The following MTUS2 variants were observed in gnomAD, a reference collection of about 807,000 sequenced individuals.
MTUS2 encodes microtubule associated scaffold protein 2.
Under a neutral mutation model 114.1 loss-of-function variants are expected in MTUS2, and 40 were observed. The observed-to-expected ratio is 0.35, with a 90% CI of 0.27 to 0.46. The LOEUF (loss-of-function observed/expected upper bound fraction) is 0.46, where lower values mean the gene tolerates loss of function less well. MTUS2 is among the 20% of genes least tolerant of loss of function. The pLI is 1.00. For synonymous variants in MTUS2, 688 were observed against 672.0 expected (o/e 1.02, Z -0.37); for missense variants, 1,679 against 1,705.4 (o/e 0.98, Z 0.27).
chr13:28,832,748 A>G (rs1874785182), intron 1 of MTUS2, among the ~76,000 whole-genome samples: 1 of 134,228 alleles, frequency 7.5e-6, no homozygotes, highest in Admixed American at 8.2e-5. Flanking sequence ...GAACAGAAGT[A>G]AATGAAATAG....
At chr13:29,269,797 G>C (rs1423694215) in intron 5 of MTUS2, among the ~76,000 whole-genome samples, 1 of 152,178 alleles carries the variant, frequency 6.6e-6, no homozygotes, top group African/African-American at 2.4e-5. Context: ...TAGTCACGAT[G>C]TGGAAACGAA....
chr13:29,428,911 C>G (rs139687884), intron 8 of MTUS2: 1 of 1,612,306 alleles, frequency 6.2e-7, no homozygotes, highest in African/African-American at 1.3e-5. Flanking sequence ...TTTGCCTTCC[C>G]TCTCTCTTCT....
intron 2 of MTUS2, among the ~76,000 whole-genome samples, chr13:28,922,518 T>G (rs1190500381): frequency 6.6e-6 from 1 of 152,190 alleles, no homozygotes; most frequent in African/African-American, 2.4e-5. Context: ...GGATGGCTGA[T>G]TCCCATCTGG....
chr13:29,505,391 C>T lies in MTUS2; in HGVS notation c.*2185C>T, dbSNP rs1883167626. On this transcript the variant is annotated 3_prime_UTR_variant, in exon 16 of 16. Coordinates refer to ENST00000612955, the MANE Select transcript of MTUS2 (RefSeq NM_001033602.4). ...CTCATTAGGTGGACTTCGGTGAGAGCTTTGCCCTAACCTGCCCTGACCTTG... is the reference window on the plus strand; with the variant it reads ...CTCATTAGGTGGACTTCGGTGAGAGTTTTGCCCTAACCTGCCCTGACCTTG... The T allele has an allele frequency of 4.3e-6, 1 of 231,572 alleles. No homozygotes were observed. The highest frequency in any genetic ancestry group is 6.1e-5 in the East Asian group (1 of 16,394). The allele number at this position is 231,572 out of a possible 1,614,324, so 14.3% of individuals were successfully genotyped here. A position where few individuals can be genotyped will look rare whatever the true frequency, so the allele number is the denominator to read the frequency against.
chr13:29,383,934 A>AT (rs56308615), intron 8 of MTUS2, among the ~76,000 whole-genome samples: 91,789 of 151,922 alleles, frequency 0.6, 29,130 homozygotes, highest in East Asian at 0.73. Flanking sequence ...AAACTTACTC[A>AT]GCAAAACATA....
intron 2 of MTUS2, among the ~76,000 whole-genome samples, chr13:28,941,447 T>C (rs528358339): frequency 6.6e-6 from 1 of 152,260 alleles, no homozygotes; most frequent in South Asian, 2.1e-4. Context: ...CTTATGTTAA[T>C]TTCTATTTTA....
intron 4 of MTUS2, among the ~76,000 whole-genome samples, chr13:29,085,969 A>G (rs1889674922): frequency 6.6e-6 from 1 of 152,074 alleles, no homozygotes. Context: ...TTTAAAAAAG[A>G]GCCATTCTGA....
chr13:29,278,740 A>T (rs1456685050), intron 5 of MTUS2, among the ~76,000 whole-genome samples: 1 of 152,176 alleles, frequency 6.6e-6, no homozygotes. Flanking sequence ...GGAATTGATG[A>T]TGTTTCATAC....
chr13:29,468,147 TA>T (rs769080164), intron 9 of MTUS2, among the ~76,000 whole-genome samples: 8 of 151,562 alleles, frequency 5.3e-5, no homozygotes, highest in Non-Finnish European at 1.0e-4. Flanking sequence ...CCCAAAAGAG[TA>T]CATAAAATGG....
chr13:29,010,210 CA>C (rs71658973), intron 2 of MTUS2, among the ~76,000 whole-genome samples: 211 of 116,392 alleles, frequency 1.8e-3, no homozygotes, highest in African/African-American at 2.5e-3. Context: ...GACTCCGTCT[CA>C]AAAAAAAAAA....
intron 5 of MTUS2, among the ~76,000 whole-genome samples, chr13:29,160,145 A>G (rs1714573007): frequency 6.6e-6 from 1 of 152,186 alleles, no homozygotes; most frequent in Non-Finnish European, 1.5e-5. Flanking sequence ...CATCCACACC[A>G]CAGACTGCTA....
chr13:29,221,453 C>T (rs939076249), intron 5 of MTUS2, among the ~76,000 whole-genome samples: 1 of 151,834 alleles, frequency 6.6e-6, no homozygotes, highest in African/African-American at 2.4e-5. Context: ...TTTTAATTTT[C>T]AGTTTCTGAT....
intron 4 of MTUS2, among the ~76,000 whole-genome samples, chr13:29,039,382 A>G (rs908652886): frequency 2.6e-5 from 4 of 152,204 alleles, no homozygotes. Context: ...AAACTGTGCA[A>G]AGCATCGCGC....
intron 7 of MTUS2, 50 bp from the exon 8 acceptor site, chr13:29,359,212 T>C: frequency 6.6e-7 from 1 of 1,507,528 alleles, no homozygotes; most frequent in East Asian, 2.4e-5. Context: ...GTCACATGTG[T>C]ACTGAGTGTT....
intron 5 of MTUS2, among the ~76,000 whole-genome samples, chr13:29,110,003 A>T (rs769653899): frequency 2.0e-5 from 3 of 152,236 alleles, no homozygotes; most frequent in South Asian, 2.1e-4. Flanking sequence ...TTTCATGGCA[A>T]TCTCTTTCTT....
intron 6 of MTUS2, among the ~76,000 whole-genome samples, chr13:29,306,443 C>T (rs768422133): frequency 2.0e-5 from 3 of 152,084 alleles, no homozygotes; most frequent in Admixed American, 1.3e-4. Context: ...AGCAAAGTCT[C>T]GGGATATAAA....
At chr13:29,032,470 A>T (rs1003235285) in intron 3 of MTUS2, among the ~76,000 whole-genome samples, 3 of 152,336 alleles carry the variant, frequency 2.0e-5, no homozygotes, top group East Asian at 1.9e-4. Flanking sequence ...AACTAAAATT[A>T]AAAAAGGGTA....
At chr13:29,039,102 G>A (rs1381155848) in intron 4 of MTUS2, among the ~76,000 whole-genome samples, 2 of 152,238 alleles carry the variant, frequency 1.3e-5, no homozygotes, top group East Asian at 3.9e-4. Flanking sequence ...GGCCAGGTGC[G>A]GACCCAGTGC....
intron 8 of MTUS2, among the ~76,000 whole-genome samples, chr13:29,434,139 C>A (rs1398599609): frequency 6.6e-6 from 1 of 152,026 alleles, no homozygotes; most frequent in Non-Finnish European, 1.5e-5. Flanking sequence ...TAAAAAAAAT[C>A]AGGTGGGGAA....
Sources: allele counts gnomAD v4.1 joint callset (sites outside exome capture counted in the v4.1 genomes callset), GRCh38; gene constraint gnomAD v4.1.1; transcripts MANE v1.5; gene names NCBI Gene and HGNC (gene_info 2026-07-23, HGNC 2026-07-21).